The following TFAP2D variants were observed in gnomAD, a reference collection of about 807,000 sequenced individuals.
The protein encoded by TFAP2D is transcription factor AP-2-delta.
Under a neutral mutation model 43.6 loss-of-function variants are expected in TFAP2D, and 9 were observed. The observed-to-expected ratio is 0.21, with a 90% CI of 0.12 to 0.36. The LOEUF (loss-of-function observed/expected upper bound fraction) is 0.36, where lower values mean the gene tolerates loss of function less well. Among genes scored for constraint, TFAP2D ranks in the 10% least tolerant of loss-of-function variants. TFAP2D has a pLI of 1.00. For missense variants in TFAP2D, 513 were observed against 561.4 expected (o/e 0.91, Z 0.87); for synonymous variants, 256 against 224.9 (o/e 1.14, Z -1.24).
At chr6:50,715,888 G>A (rs536822789) in intron 2 of TFAP2D, among the ~76,000 whole-genome samples, 136 of 152,188 alleles carry the variant, frequency 8.9e-4, no homozygotes, top group African/African-American at 2.8e-3. Flanking sequence ...GGCGGCTGCG[G>A]CCCTCCATCT....
intron 7 of TFAP2D, among the ~76,000 whole-genome samples, chr6:50,761,077 C>G (rs1769355603): frequency 6.6e-6 from 1 of 151,576 alleles, no homozygotes; most frequent in Non-Finnish European, 1.5e-5. Flanking sequence ...TGTTTGCATC[C>G]TTCCCAGAGG....
intron 3 of TFAP2D, among the ~76,000 whole-genome samples, chr6:50,725,077 CT>C: frequency 6.6e-6 from 1 of 152,316 alleles, no homozygotes; most frequent in Non-Finnish European, 1.5e-5. Flanking sequence ...CCCACACTGT[CT>C]GCAGACACTG....
intron 5 of TFAP2D, among the ~76,000 whole-genome samples, chr6:50,740,481 T>A (rs900641991): frequency 6.6e-6 from 1 of 152,210 alleles, no homozygotes; most frequent in South Asian, 2.1e-4. Flanking sequence ...TCGCCCAGGC[T>A]GGAGTGTAGT....
At chr6:50,742,599 T>G (rs1769063639) in intron 5 of TFAP2D, among the ~76,000 whole-genome samples, 1 of 151,170 alleles carries the variant, frequency 6.6e-6, no homozygotes, top group Admixed American at 6.6e-5. Context: ...GATAGATAGA[T>G]AGATAGATAG....
At chr6:50,720,296 G>GCT (rs1237375103) in intron 3 of TFAP2D, among the ~76,000 whole-genome samples, 1 of 152,102 alleles carries the variant, frequency 6.6e-6, no homozygotes, top group Non-Finnish European at 1.5e-5. Flanking sequence ...GAAATCAGTT[G>GCT]CTTCTTTCAT....
At chr6:50,729,355 G>T (rs374406328) in intron 5 of TFAP2D, 43 bp downstream of exon 5, 20 of 1,543,648 alleles carry the variant, frequency 1.3e-5, no homozygotes, top group Admixed American at 1.7e-5. Context: ...GAAGGTTGGC[G>T]TGTCTTTGAA....
chr6:50,721,842 A>G (rs1316049079), intron 3 of TFAP2D, among the ~76,000 whole-genome samples: 2 of 152,192 alleles, frequency 1.3e-5, no homozygotes. Context: ...GGTTTCTAGA[A>G]TGTACTATGG....
chr6:50,771,391 A>G (rs1769526427), intron 7 of TFAP2D, among the ~76,000 whole-genome samples: 1 of 152,190 alleles, frequency 6.6e-6, no homozygotes, highest in South Asian at 2.1e-4. Context: ...TCCAAAACTC[A>G]CTGCAAAAGA....
At chr6:50,748,380 A>G (rs902086799) in intron 6 of TFAP2D, among the ~76,000 whole-genome samples, 1 of 151,912 alleles carries the variant, frequency 6.6e-6, no homozygotes, top group Non-Finnish European at 1.5e-5. Flanking sequence ...TAAGACTTGG[A>G]CAACATTATA....
chr6:50,764,861 A>G (rs1390523443), intron 7 of TFAP2D, among the ~76,000 whole-genome samples: 2 of 152,224 alleles, frequency 1.3e-5, no homozygotes, highest in African/African-American at 4.8e-5. Context: ...TTGTGAAATG[A>G]TCACAACAAT....
intron 5 of TFAP2D, among the ~76,000 whole-genome samples, chr6:50,733,709 C>T (rs1181655724): frequency 1.3e-5 from 2 of 152,090 alleles, no homozygotes; most frequent in Non-Finnish European, 1.5e-5. Context: ...TACAAGGAGT[C>T]AATGACCTTG....
At chr6:50,755,446 C>G (rs957516097) in intron 7 of TFAP2D, among the ~76,000 whole-genome samples, 1 of 128,216 alleles carries the variant, frequency 7.8e-6, no homozygotes, top group Admixed American at 8.1e-5. Context: ...AAAAAAAAAA[C>G]TCAAGGATTG....
chr6:50,719,011 T>C (rs753975027), intron 2 of TFAP2D, 79 bp from the exon 3 acceptor site: 7 of 1,337,624 alleles, frequency 5.2e-6, no homozygotes, highest in Middle Eastern at 1.8e-4. Context: ...AGGGATGGGC[T>C]AGTCTAAAAG....
intron 3 of TFAP2D, among the ~76,000 whole-genome samples, chr6:50,728,473 A>G (rs1349593491): frequency 2.6e-5 from 4 of 152,234 alleles, no homozygotes; most frequent in Admixed American, 2.6e-4. Context: ...CTGTGTGTGT[A>G]CATAAACATA....
In TFAP2D at chr6:50,772,928, C is replaced by A; in HGVS notation, c.*64C>A. The A allele has an allele frequency of 1.4e-6, 2 of 1,438,446 alleles. No individual in the cohort carries two copies. The highest frequency in any genetic ancestry group is 2.8e-5 in the African/African-American group (2 of 70,288). 89.1% of individuals were successfully genotyped at this position (1,438,446 alleles called of 1,614,324 possible). On this transcript the variant is annotated 3_prime_UTR_variant, in exon 8 of 8. Transcript: ENST00000008391. ...CTGATATTTTTTCTAATATATATAT[C>A]ATTGAGGGTGACTAATCTTCAGTGG...
At chr6:50,734,639 A>C (rs948849758) in intron 5 of TFAP2D, among the ~76,000 whole-genome samples, 1 of 152,068 alleles carries the variant, frequency 6.6e-6, no homozygotes, top group African/African-American at 2.4e-5. Context: ...CTTCTTATCC[A>C]CTCTAGCCAG....
intron 2 of TFAP2D, chr6:50,718,308 C>G (rs986997392): frequency 1.3e-5 from 2 of 152,156 alleles, no homozygotes; most frequent in African/African-American, 4.8e-5. Flanking sequence ...TGCACCGACT[C>G]TCTCCGCATT....
chr6:50,757,462 T>G (rs6922380), intron 7 of TFAP2D, among the ~76,000 whole-genome samples: 57 of 106,520 alleles, frequency 5.4e-4, no homozygotes, highest in South Asian at 1.6e-3. Context: ...TATATATATA[T>G]AATATATATA....
At chr6:50,748,032 C>A (rs1206899888) in intron 6 of TFAP2D, among the ~76,000 whole-genome samples, 1 of 151,854 alleles carries the variant, frequency 6.6e-6, no homozygotes, top group Non-Finnish European at 1.5e-5. Flanking sequence ...GGAATAAACA[C>A]CTGAAAATTA....
Sources: gnomAD v4.1 joint callset for allele counts (sites outside exome capture counted in the v4.1 genomes callset) on GRCh38, gnomAD v4.1.1 for gene constraint, MANE v1.5 for transcripts, NCBI Gene and HGNC (gene_info 2026-07-23, HGNC 2026-07-21) for gene names.